The following GALNT11 variants were observed in gnomAD, a reference collection of about 807,000 sequenced individuals.
The protein encoded by GALNT11 is UDP-GalNAc:polypeptide N-acetylgalactosaminyltransferase 11.
GALNT11 carries 47 observed loss-of-function variants against 72.7 expected under a neutral mutation model. That is an observed-to-expected ratio of 0.65 (90% CI 0.51 to 0.82). The LOEUF (loss-of-function observed/expected upper bound fraction) is 0.82, where lower values mean the gene tolerates loss of function less well. Ranked by LOEUF, GALNT11 falls within the 40% of genes least tolerant of loss-of-function variation. GALNT11 has a pLI of 0.00. For synonymous variants in GALNT11, 270 were observed against 286.6 expected (o/e 0.94, Z 0.58); for missense variants, 677 against 778.4 (o/e 0.87, Z 1.55).
chr7:152,068,185 C>A (rs551845875), intron 1 of GALNT11, among the ~76,000 whole-genome samples: 17 of 152,296 alleles, frequency 1.1e-4, no homozygotes, highest in South Asian at 4.1e-4. Flanking sequence ...TCTGCCTCCC[C>A]ACCCTATGAG....
intron 1 of GALNT11, among the ~76,000 whole-genome samples, chr7:152,038,407 C>G (rs1037715691): frequency 6.6e-6 from 1 of 152,226 alleles, no homozygotes; most frequent in African/African-American, 2.4e-5. Context: ...AGGCCCAGAT[C>G]GCTTATGCTA....
intron 1 of GALNT11, among the ~76,000 whole-genome samples, chr7:152,068,290 G>C (rs923438421): frequency 6.6e-6 from 1 of 152,144 alleles, no homozygotes; most frequent in African/African-American, 2.4e-5. Flanking sequence ...GCCTTTTCAA[G>C]TTGGCGTCCT....
intron 2 of GALNT11, among the ~76,000 whole-genome samples, chr7:152,098,828 G>A (rs753641685): frequency 6.6e-6 from 1 of 152,152 alleles, no homozygotes; most frequent in Non-Finnish European, 1.5e-5. Context: ...GTTGTTTTGT[G>A]TTTAAAAAGG....
At chr7:152,080,948 C>G (rs901673148) in intron 1 of GALNT11, among the ~76,000 whole-genome samples, 5 of 152,018 alleles carry the variant, frequency 3.3e-5, no homozygotes, top group African/African-American at 9.7e-5. Flanking sequence ...CCAGCCTGGG[C>G]GACAAGAGCG....
chr7:152,102,394 T>C (rs146218309), intron 3 of GALNT11, among the ~76,000 whole-genome samples: 3,421 of 151,918 alleles, frequency 0.023, 72 homozygotes, highest in Non-Finnish European at 0.033. Flanking sequence ...ATACAAAAAT[T>C]ACCTGGGCGT....
chr7:152,081,360 A>G (rs1207271406), intron 1 of GALNT11, among the ~76,000 whole-genome samples: 1 of 152,214 alleles, frequency 6.6e-6, no homozygotes, highest in African/African-American at 2.4e-5. Context: ...AAAGCCCGGT[A>G]TTGTGCTGTT....
At chr7:152,066,802 C>A (rs747246877) in intron 1 of GALNT11, among the ~76,000 whole-genome samples, 1 of 152,184 alleles carries the variant, frequency 6.6e-6, no homozygotes, top group Non-Finnish European at 1.5e-5. Context: ...TTCCCTGTTT[C>A]ACATCTGCAC....
chr7:152,071,757 A>AT (rs1463484907), intron 1 of GALNT11, among the ~76,000 whole-genome samples: 1 of 152,186 alleles, frequency 6.6e-6, no homozygotes, highest in Non-Finnish European at 1.5e-5. Flanking sequence ...GAACTAATAA[A>AT]TGTCCATGAA....
chr7:152,029,209 T>C (rs1280832382), intron 1 of GALNT11, among the ~76,000 whole-genome samples: 1 of 151,704 alleles, frequency 6.6e-6, no homozygotes, highest in African/African-American at 2.4e-5. Flanking sequence ...TTTTGGAGAG[T>C]CATTGCTGCC....
intron 9 of GALNT11, chr7:152,118,262 T>C (rs1381340827): frequency 5.4e-6 from 1 of 185,426 alleles, no homozygotes; most frequent in Non-Finnish European, 1.1e-5. Flanking sequence ...AGTTCTGTGA[T>C]AGTTGTCACC....
At chr7:152,057,685 C>T (rs141463323) in intron 1 of GALNT11, among the ~76,000 whole-genome samples, 3 of 152,232 alleles carry the variant, frequency 2.0e-5, no homozygotes, top group Admixed American at 6.5e-5. Flanking sequence ...TTAGTTTTAG[C>T]GTAGCCTTAG....
intron 4 of GALNT11, chr7:152,104,326 T>A (rs1229149369): frequency 6.6e-6 from 1 of 152,204 alleles, no homozygotes; most frequent in Non-Finnish European, 1.5e-5. Context: ...CCAGTGACTT[T>A]TTCATGCACT....
intron 1 of GALNT11, among the ~76,000 whole-genome samples, chr7:152,093,402 A>AT (rs138875670): frequency 0.029 from 4,385 of 151,874 alleles, 201 homozygotes; most frequent in African/African-American, 0.1. Flanking sequence ...GGAAAGTAGA[A>AT]TTTTTTTTAA....
At chr7:152,065,899 TGAG>T (rs1361276852) in intron 1 of GALNT11, among the ~76,000 whole-genome samples, 3 of 152,210 alleles carry the variant, frequency 2.0e-5, no homozygotes, top group Non-Finnish European at 4.4e-5. Context: ...GGGACTCACT[TGAG>T]GAGGCAGTCT....
At chr7:152,106,694 T>G (rs1368738826) in intron 5 of GALNT11, among the ~76,000 whole-genome samples, 2 of 152,080 alleles carry the variant, frequency 1.3e-5, no homozygotes, top group East Asian at 3.9e-4. Context: ...TAGATAGCAA[T>G]AGCTATTTAG....
intron 1 of GALNT11, among the ~76,000 whole-genome samples, chr7:152,060,321 T>G (rs536951367): frequency 6.6e-6 from 1 of 152,326 alleles, no homozygotes; most frequent in Non-Finnish European, 1.5e-5. Flanking sequence ...CTGTGTCACT[T>G]TCTTATTCCT....
chr7:152,054,191 A>G (rs1315563583), intron 1 of GALNT11, among the ~76,000 whole-genome samples: 1 of 151,998 alleles, frequency 6.6e-6, no homozygotes, highest in African/African-American at 2.4e-5. Context: ...GCTTTAATTG[A>G]TTTTTAAGAT....
At chr7:152,057,004 AT>A (rs71198754) in intron 1 of GALNT11, among the ~76,000 whole-genome samples, 52,516 of 75,020 alleles carry the variant, frequency 0.7, 18,570 homozygotes, top group East Asian at 0.81. Flanking sequence ...ATGCCCAGCT[AT>A]TTTTTTTTTT....
At chr7:152,119,789 T>C (rs760725773) in intron 10 of GALNT11, 3 of 152,216 alleles carry the variant, frequency 2.0e-5, no homozygotes, top group Admixed American at 6.6e-5. Context: ...GGCAGGGGAA[T>C]TGGTTCAACC....
Sources: allele counts gnomAD v4.1 joint callset (sites outside exome capture counted in the v4.1 genomes callset), GRCh38; gene constraint gnomAD v4.1.1; transcripts MANE v1.5; gene names NCBI Gene and HGNC (gene_info 2026-07-23, HGNC 2026-07-21).